The following BDNF variants were observed in gnomAD, a reference collection of about 807,000 sequenced individuals.
The protein encoded by BDNF is neurotrophic factor BDNF precursor form.
In BDNF, 1 loss-of-function variant was observed where a neutral mutation model predicts 19.5. That is an observed-to-expected ratio of 0.05 (90% CI 0.02 to 0.24). The LOEUF is 0.24. Among genes scored for constraint, BDNF ranks in the 10% least tolerant of loss-of-function variants. The pLI is 1.00. For synonymous variants in BDNF, 100 were observed against 121.6 expected (o/e 0.82, Z 1.17); for missense variants, 195 against 317.6 (o/e 0.61, Z 2.93).
Position 27,681,607 on chromosome 11 carries a change from A to G in BDNF, c.-22+18557T>C, listed in dbSNP as rs544184849. The stretch of plus-strand genomic sequence containing the variant: ...AGAAAAAATCATTAATAAACACATG[A>G]GACTCAGAGAATTACAACAAAACAG... On this transcript the variant is annotated intron_variant, in intron 1 of 1. Transcript: ENST00000356660. 2.0e-5 allele frequency among the ~76,000 whole-genome samples: 3 copies of G among 152,256 alleles called. No individual in the cohort carries two copies. The East Asian group carries it at 5.8e-4, about 29-fold the overall frequency.
intron 1 of BDNF, chr11:27,699,673 T>C: frequency 1.4e-6 from 2 of 1,414,294 alleles, no homozygotes; most frequent in South Asian, 3.1e-5. Flanking sequence ...CGTGTGCAGC[T>C]CCGGGGAAGG....
chr11:27,685,363 A>AT (rs1179807421), intron 1 of BDNF, among the ~76,000 whole-genome samples: 1 of 152,086 alleles, frequency 6.6e-6, no homozygotes, highest in East Asian at 1.9e-4. Context: ...GGATTCACTG[A>AT]TTTTTTTGAA....
At chr11:27,690,484 G>A (rs1424784326) in intron 1 of BDNF, among the ~76,000 whole-genome samples, 1 of 151,890 alleles carries the variant, frequency 6.6e-6, no homozygotes, top group Non-Finnish European at 1.5e-5. Flanking sequence ...TTGCTTCCAT[G>A]TTGTATAGCA....
intron 1 of BDNF, among the ~76,000 whole-genome samples, chr11:27,712,519 A>T (rs978282771): frequency 6.9e-6 from 1 of 144,582 alleles, no homozygotes; most frequent in South Asian, 2.2e-4. Context: ...TTCACTTAGA[A>T]TTTTTTTTTT....
chr11:27,671,953 T>C (rs1855454059), intron 1 of BDNF, among the ~76,000 whole-genome samples: 1 of 152,208 alleles, frequency 6.6e-6, no homozygotes, highest in Non-Finnish European at 1.5e-5. Context: ...AGGTTGAAGT[T>C]AACTTAAGTA....
At chr11:27,693,989 AAG>A (rs1247305218) in intron 1 of BDNF, among the ~76,000 whole-genome samples, 1 of 152,140 alleles carries the variant, frequency 6.6e-6, no homozygotes, top group Non-Finnish European at 1.5e-5. Flanking sequence ...TTTTCTGAAA[AAG>A]AAAGTTTTCT....
Position 27,660,082 on chromosome 11 carries a change from A to C in BDNF, c.-21-1497T>G, listed in dbSNP as rs189152513. ...AAGACACATACATGCAATGGCCATC[A>C]TGATATCCAAATAAGTAGGAAAAGG... On this transcript the variant is annotated intron_variant, in intron 1 of 1. Transcript: ENST00000356660. 359 of 605,982 alleles carry C rather than the reference A, an allele frequency of 5.9e-4. 2 individuals carry two copies. In the African/African-American group the frequency reaches 6.0e-3, roughly 10 times the overall value. The allele number at this position is 605,982 out of a possible 1,614,324, so 37.5% of individuals were successfully genotyped here.
intron 1 of BDNF, chr11:27,660,340 C>G: frequency 1.6e-6 from 1 of 631,378 alleles, no homozygotes; most frequent in Non-Finnish European, 2.4e-6. Flanking sequence ...ATGCTTAGAA[C>G]TGCTTAGATT....
intron 1 of BDNF, among the ~76,000 whole-genome samples, chr11:27,716,883 A>T (rs1224383039): frequency 6.6e-6 from 1 of 152,228 alleles, no homozygotes; most frequent in African/African-American, 2.4e-5. Context: ...GCCTGGTCCC[A>T]AAATTACAGA....
At chr11:27,716,551 G>C (rs2134112526) in intron 1 of BDNF, among the ~76,000 whole-genome samples, 1 of 152,028 alleles carries the variant, frequency 6.6e-6, no homozygotes, top group East Asian at 1.9e-4. Flanking sequence ...TTCTGAGGTA[G>C]CAGTTGTAAA....
At position 27,658,228 on chromosome 11, in the gene BDNF, A is replaced by G; in HGVS notation, c.337T>C (p.Tyr113His). The G allele has an allele frequency of 6.2e-7, 1 of 1,613,790 alleles. No individual in the cohort carries two copies. The highest frequency in any genetic ancestry group is 8.5e-7 in the Non-Finnish European group (1 of 1,180,000). ...TTTGCAGCATCTAGGTAATTTTTGTATTCCTCCAGCAGAAAGAGAAGAGGA... is the reference window on the plus strand; with the variant it reads ...TTTGCAGCATCTAGGTAATTTTTGTGTTCCTCCAGCAGAAAGAGAAGAGGA... The part of the protein sequence containing the change: ...EPPLLFLLEE[Y>H]KNYLDAANMS... The change falls in exon 2 of 2, where the codon TAC (tyrosine) becomes CAC (histidine). Residue 113 changes from tyrosine (Y) to histidine (H), a missense_variant. By Grantham distance (83) the Tyr-to-His change is moderately conservative. This residue lies in a region of BDNF where 124 missense variants were observed against 155.0 expected (regional missense o/e 0.80). Coordinates refer to ENST00000356660, the MANE Select transcript of BDNF (RefSeq NM_001709.5). The surrounding 1 kb of genome is among the most constrained non-coding windows in gnomAD (Gnocchi z 5.7).
intron 1 of BDNF, among the ~76,000 whole-genome samples, chr11:27,663,151 TTAAG>T (rs567063960): frequency 3.0e-4 from 46 of 152,274 alleles, no homozygotes; most frequent in Non-Finnish European, 5.0e-4. Flanking sequence ...TAATAAAAGA[TTAAG>T]TAAGAGCTTC....
intron 1 of BDNF, chr11:27,699,406 C>T: frequency 1.2e-6 from 2 of 1,614,140 alleles, no homozygotes; most frequent in Middle Eastern, 1.6e-4. Flanking sequence ...GGCTCTGCAT[C>T]CCCAGAGACT....
chr11:27,713,712 A>G (rs576959235), intron 1 of BDNF, among the ~76,000 whole-genome samples: 2 of 152,326 alleles, frequency 1.3e-5, no homozygotes, highest in South Asian at 4.1e-4. Flanking sequence ...AAATTGTTGG[A>G]TCACCTTTCC....
intron 1 of BDNF, among the ~76,000 whole-genome samples, chr11:27,696,053 G>A (rs1590429292): frequency 1.3e-5 from 2 of 152,134 alleles, no homozygotes; most frequent in South Asian, 4.2e-4. Context: ...ACATTAGTGA[G>A]CTCCATTTTG....
rs911612895 is a variant in BDNF at position 27,692,488 on chromosome 11, C to T, written c.-22+7676G>A. The stretch of plus-strand genomic sequence containing the variant: ...TCCCAAGTAGCTGGGACTACAAGTG[C>T]CTGTCACCAGGCTTGGATAATTTTT... On this transcript the variant is annotated intron_variant, in intron 1 of 1. Transcript: ENST00000356660. Among the ~76,000 whole-genome samples, 3 of 152,004 alleles carry T rather than the reference C, an allele frequency of 2.0e-5. No individual in the cohort carries two copies. In the South Asian group the frequency reaches 6.2e-4, roughly 32 times the overall value.
At chr11:27,678,669 G>T (rs779334240) in intron 1 of BDNF, among the ~76,000 whole-genome samples, 1 of 152,174 alleles carries the variant, frequency 6.6e-6, no homozygotes, top group Non-Finnish European at 1.5e-5. Context: ...ACATGTGTCT[G>T]TCATACACAG....
Position 27,721,433 on chromosome 11 carries a change from G to C in BDNF, c.-19C>G, listed in dbSNP as rs191210486. Reference sequence around the variant, plus strand: ...TCACCATTGTGCCTTTGCTGTCCTGGAGACTCAAGTGTCTTAAAATCTCGT... The same window carrying C: ...TCACCATTGTGCCTTTGCTGTCCTGCAGACTCAAGTGTCTTAAAATCTCGT... On this transcript the variant is annotated 5_prime_UTR_variant, in exon 1 of 2. Coordinates refer to the BDNF transcript ENST00000314915. 22 of 1,613,988 alleles carry C rather than the reference G, an allele frequency of 1.4e-5. No homozygotes were observed. In the East Asian group the frequency reaches 4.7e-4, roughly 34 times the overall value.
intron 1 of BDNF, among the ~76,000 whole-genome samples, chr11:27,682,603 C>T (rs1856985498): frequency 6.6e-6 from 1 of 151,998 alleles, no homozygotes; most frequent in South Asian, 2.1e-4. Flanking sequence ...GTTCTCCTCC[C>T]AGTGTCCATG....
Sources: gnomAD v4.1 joint callset for allele counts (sites outside exome capture counted in the v4.1 genomes callset) on GRCh38, gnomAD v4.1.1 for gene constraint, gnomAD v4.1.1 regional missense constraint, Gnocchi (gnomAD v3.1) non-coding constraint, MANE v1.5 for transcripts, NCBI Gene and HGNC (gene_info 2026-07-23, HGNC 2026-07-21) for gene names.